FBXO7: variants seen among roughly 807,000 people sequenced by gnomAD.
The protein encoded by FBXO7 is F-box only protein 7.
In FBXO7, 31 loss-of-function variants were observed where a neutral mutation model predicts 50.2. That is an observed-to-expected ratio of 0.62 (90% CI 0.46 to 0.83). The LOEUF (loss-of-function observed/expected upper bound fraction) is 0.83. Among genes scored for constraint, FBXO7 ranks in the 40% least tolerant of loss-of-function variants. The pLI is 0.00. For missense variants in FBXO7, 667 were observed against 646.6 expected (o/e 1.03, Z -0.34); for synonymous variants, 256 against 253.1 (o/e 1.01, Z -0.11).
intron 2 of FBXO7, among the ~76,000 whole-genome samples, chr22:32,479,719 A>T (rs1205713765): frequency 6.6e-6 from 1 of 151,816 alleles, no homozygotes; most frequent in East Asian, 1.9e-4. Flanking sequence ...TATAGAATAT[A>T]TTTTTTTTAA....
intron 2 of FBXO7, among the ~76,000 whole-genome samples, chr22:32,479,682 A>T (rs1177878321): frequency 2.0e-5 from 3 of 152,264 alleles, no homozygotes; most frequent in Admixed American, 2.0e-4. Context: ...GGCATGAGCC[A>T]CTGCGCCTGG....
rs1230103005 is a variant in FBXO7, at chr22:32,486,343, C to CT, written c.787+1142dup. On this transcript the variant is annotated intron_variant, in intron 4 of 8. Transcript: ENST00000266087. ...TCCCCTCTTACAAAGTTTCTTTTTTCTTTTTTTTGAGACAGGGTCTTGCTC... is the reference window on the plus strand; with the variant it reads ...TCCCCTCTTACAAAGTTTCTTTTTTCTTTTTTTTTGAGACAGGGTCTTGCTC... Among the ~76,000 whole-genome samples the CT allele has an allele frequency of 6.0e-5, 9 of 149,744 alleles. No individual in the cohort carries two copies. In the East Asian group the frequency reaches 9.8e-4, roughly 16 times the overall value.
At chr22:32,495,345 AGT>A (rs1272144245) in intron 7 of FBXO7, 146 bp from the exon 8 acceptor site, 47 of 594,480 alleles carry the variant, frequency 7.9e-5, no homozygotes, top group Non-Finnish European at 1.2e-4. Context: ...CAAATGATAT[AGT>A]GTGTGTTATA....
chr22:32,497,885 T>C (rs1001506017), intron 8 of FBXO7, among the ~76,000 whole-genome samples: 1 of 152,248 alleles, frequency 6.6e-6, no homozygotes, highest in Non-Finnish European at 1.5e-5. Context: ...AGCATATTTT[T>C]AAATTAAGGT....
chr22:32,483,782 T>G (rs2057479803), intron 2 of FBXO7, 115 bp from the exon 3 acceptor site: 1 of 902,106 alleles, frequency 1.1e-6, no homozygotes, highest in East Asian at 2.6e-5. Context: ...TGTCTCCCAT[T>G]TCTGAACCCA....
Position 32,483,874 on chromosome 22 carries a change from ATTGTT to A in FBXO7, c.418-15_418-11del. Reference sequence around the variant, plus strand: ...GTAAAAATAAGTCTTTAATTAATTCATTGTTTTGTTTTCCTTTTTCAGTTAGGGCC... The same window carrying A: ...GTAAAAATAAGTCTTTAATTAATTCATTGTTTTCCTTTTTCAGTTAGGGCC... On this transcript the variant is annotated intron_variant, in intron 2 of 8. Coordinates refer to ENST00000266087, the MANE Select transcript of FBXO7 (RefSeq NM_012179.4). 6.2e-7 allele frequency: 1 copy of A among 1,602,068 alleles called. No homozygotes were observed. Among genetic ancestry groups the A allele is most frequent in the Non-Finnish European group, 8.6e-7 (1 of 1,169,130 alleles).
At chr22:32,486,570 G>A (rs1268127689) in intron 4 of FBXO7, among the ~76,000 whole-genome samples, 1 of 152,108 alleles carries the variant, frequency 6.6e-6, no homozygotes, top group East Asian at 1.9e-4. Context: ...TCCTGGGTTT[G>A]AAGCAATATT....
rs2057546761 is a variant in FBXO7, at chr22:32,492,941, G to T, written c.968-164G>T. On this transcript the variant is annotated intron_variant, in intron 6 of 8. Transcript: ENST00000266087. The stretch of plus-strand genomic sequence containing the variant: ...TAATAGTAATTATAGTCAAGCTGGG[G>T]TTAAAAATTTGTTGTAGATGATGCA... 9.6e-5 allele frequency: 68 copies of T among 708,124 alleles called. No homozygotes were observed. The South Asian group carries it at 1.1e-3, about 11-fold the overall frequency. The allele number at this position is 708,124 out of a possible 1,614,324, so 43.9% of individuals were successfully genotyped here.
At position 32,498,581 on chromosome 22, in the gene FBXO7, A is replaced by G; in HGVS notation, c.*51A>G. The G allele has an allele frequency of 6.4e-7, 1 of 1,565,676 alleles. No homozygotes were observed. Among genetic ancestry groups the G allele is most frequent in the East Asian group, 2.3e-5 (1 of 43,670 alleles). ...CTCCATTTGTTTTTGTTTCTAAACT[A>G]CAGATGTCAACTCCTTGGGGTGCTG... On this transcript the variant is annotated 3_prime_UTR_variant, in exon 9 of 9. Coordinates refer to ENST00000266087, the MANE Select transcript of FBXO7 (RefSeq NM_012179.4).
At chr22:32,476,480 G>C (rs1209598060) in intron 1 of FBXO7, among the ~76,000 whole-genome samples, 1 of 152,162 alleles carries the variant, frequency 6.6e-6, no homozygotes, top group Non-Finnish European at 1.5e-5. Flanking sequence ...TTCTCTTTCA[G>C]ATTTCTTTTT....
In FBXO7 at chr22:32,498,802, T is replaced by C; in HGVS notation, c.*272T>C. 2.0e-6 allele frequency: 1 copy of C among 489,832 alleles called. No individual in the cohort carries two copies. The highest frequency in any genetic ancestry group is 2.6e-5 in the South Asian group (1 of 37,862). 30.3% of individuals were successfully genotyped at this position (489,832 alleles called of 1,614,324 possible). A position where few individuals can be genotyped will look rare whatever the true frequency, so the allele number is the denominator to read the frequency against. On this transcript the variant is annotated 3_prime_UTR_variant, in exon 9 of 9. Coordinates refer to ENST00000266087, the MANE Select transcript of FBXO7 (RefSeq NM_012179.4). Reference sequence around the variant, plus strand: ...TGAAGTTTGTTTTCTGATGCTGTTCTTACCAGATTAAAAAAAAGTGTAAAT... The same window carrying C: ...TGAAGTTTGTTTTCTGATGCTGTTCCTACCAGATTAAAAAAAAGTGTAAAT...
At chr22:32,488,490 G>A (rs1298282650) in intron 5 of FBXO7, 1 of 152,404 alleles carries the variant, frequency 6.6e-6, no homozygotes, top group Non-Finnish European at 1.5e-5. Flanking sequence ...CATTTTTTAA[G>A]TGCCTGTTTC....
At chr22:32,490,827 C>G (rs980098981) in intron 5 of FBXO7, 24 of 439,438 alleles carry the variant, frequency 5.5e-5, no homozygotes, top group African/African-American at 4.8e-4. Flanking sequence ...CAAGTCTTTT[C>G]TACAACTGCA....
At chr22:32,490,322 A>C (rs887763833) in intron 5 of FBXO7, 1 of 152,216 alleles carries the variant, frequency 6.6e-6, no homozygotes, top group Admixed American at 6.5e-5. Flanking sequence ...ATAGCAAAAC[A>C]AGTGGGAACC....
At position 32,483,903 on chromosome 22, in the gene FBXO7, C is replaced by T. The variant is rs1201507203; in HGVS notation, c.424C>T (p.Pro142Ser). The change falls in exon 3 of 9, where the codon CCT (proline) becomes TCT (serine). Residue 142 changes from proline to serine, a missense_variant. Physicochemically the swap from Pro to Ser is moderately conservative, Grantham distance 74 (BLOSUM62 -1). Coordinates refer to ENST00000266087, the MANE Select transcript of FBXO7 (RefSeq NM_012179.4). The stretch of plus-strand genomic sequence containing the variant: ...TTTTGTTTTCCTTTTTCAGTTAGGG[C>T]CTAGTCAAAATTTTGAAGCTGAGTC... ...GVWNDDSMLG[P>S]SQNFEAESIQ... 1 of 1,613,830 alleles carries T rather than the reference C, an allele frequency of 6.2e-7. No individual in the cohort carries two copies.
chr22:32,496,070 TAGTC>T (rs1324474108), intron 8 of FBXO7, among the ~76,000 whole-genome samples: 12 of 152,212 alleles, frequency 7.9e-5, no homozygotes, highest in African/African-American at 2.9e-4. Context: ...TAGAGAGAAG[TAGTC>T]AGTGCCCAGC....
chr22:32,495,356 T>C (rs1249976547), intron 7 of FBXO7, 137 bp from the exon 8 acceptor site: 10 of 609,902 alleles, frequency 1.6e-5, no homozygotes, highest in East Asian at 5.7e-5. Context: ...GTGTGTGTTA[T>C]ATAAATGGTT....
chr22:32,493,740 T>A (rs1352102784), intron 7 of FBXO7, among the ~76,000 whole-genome samples: 2 of 152,174 alleles, frequency 1.3e-5, no homozygotes, highest in African/African-American at 4.8e-5. Context: ...AACTTGTGCA[T>A]CAGGATTTCC....
At chr22:32,483,708 G>C (rs1166151165) in intron 2 of FBXO7, among the ~76,000 whole-genome samples, 189 bp from the exon 3 acceptor site, 1 of 152,122 alleles carries the variant, frequency 6.6e-6, no homozygotes, top group African/African-American at 2.4e-5. Flanking sequence ...AATTAACAGA[G>C]GTAAGGAATT....
Sources: allele counts gnomAD v4.1 joint callset (sites outside exome capture counted in the v4.1 genomes callset), GRCh38; gene constraint gnomAD v4.1.1; transcripts MANE v1.5; gene names NCBI Gene and HGNC (gene_info 2026-07-23, HGNC 2026-07-21).